VPS41: variants seen among roughly 807,000 people sequenced by gnomAD.
The protein encoded by VPS41 is VPS41 subunit of HOPS complex.
Under a neutral mutation model 130.9 loss-of-function variants are expected in VPS41, and 85 were observed. That is an observed-to-expected ratio of 0.65 (90% CI 0.55 to 0.78). VPS41 has a LOEUF of 0.78. Among genes scored for constraint, VPS41 ranks in the 30% least tolerant of loss-of-function variants. The pLI, the probability that VPS41 is intolerant of heterozygous loss-of-function variation, is 0.00. For missense variants in VPS41, 874 were observed against 1,018.7 expected (o/e 0.86, Z 1.93); for synonymous variants, 335 against 332.9 (o/e 1.01, Z -0.07).
At chr7:38,778,695 T>C (rs1379002300) in intron 10 of VPS41, among the ~76,000 whole-genome samples, 1 of 152,070 alleles carries the variant, frequency 6.6e-6, no homozygotes, top group East Asian at 1.9e-4. Context: ...CTCACAGAAA[T>C]CACAGGCTTT....
At chr7:38,737,679 C>T (rs974437036) in intron 25 of VPS41, among the ~76,000 whole-genome samples, 1 of 152,134 alleles carries the variant, frequency 6.6e-6, no homozygotes. Flanking sequence ...TAAAAGGATA[C>T]AAATATGGGG....
intron 22 of VPS41, among the ~76,000 whole-genome samples, chr7:38,747,962 G>A (rs1796019804): frequency 1.3e-5 from 2 of 152,206 alleles, no homozygotes; most frequent in Non-Finnish European, 2.9e-5. Context: ...GTATCACCAA[G>A]TTCAAAGATA....
At chr7:38,795,634 G>T in intron 8 of VPS41, 23 bp from the exon 9 acceptor site, 1 of 1,603,630 alleles carries the variant, frequency 6.2e-7, no homozygotes, top group Non-Finnish European at 8.5e-7. Context: ...ACAGCAGTAA[G>T]CATCCTCTAC....
intron 3 of VPS41, 42 bp from the exon 4 acceptor site, chr7:38,862,664 C>A: frequency 8.3e-7 from 1 of 1,204,706 alleles, no homozygotes; most frequent in Non-Finnish European, 1.2e-6. Flanking sequence ...ATTAATAATA[C>A]TATTAATACA....
At chr7:38,771,153 A>G in intron 14 of VPS41, 45 bp downstream of exon 14, 1 of 1,352,778 alleles carries the variant, frequency 7.4e-7, no homozygotes, top group South Asian at 1.2e-5. Flanking sequence ...ACTATAACTT[A>G]TTGAAAGATA....
intron 19 of VPS41, 58 bp downstream of exon 19, chr7:38,756,780 T>C: frequency 3.2e-6 from 4 of 1,233,012 alleles, no homozygotes; most frequent in Non-Finnish European, 4.5e-6. Context: ...GATATCTAAG[T>C]ATTAAATATT....
At chr7:38,728,314 T>C (rs1468348) in intron 27 of VPS41, 170,768 of 683,892 alleles carry the variant, frequency 0.25, 26,090 homozygotes, top group South Asian at 0.48. Flanking sequence ...TGGGTTCCAA[T>C]AAGCCTGCCA....
chr7:38,888,193 T>C (rs976714138), intron 2 of VPS41, among the ~76,000 whole-genome samples: 4 of 152,276 alleles, frequency 2.6e-5, no homozygotes, highest in Admixed American at 6.5e-5. Context: ...TAACCTTAAA[T>C]GTAAACGGGC....
At chr7:38,892,680 A>G (rs1425791531) in intron 2 of VPS41, among the ~76,000 whole-genome samples, 2 of 152,222 alleles carry the variant, frequency 1.3e-5, no homozygotes, top group African/African-American at 2.4e-5. Flanking sequence ...AGGCCATATA[A>G]AAGAGGTCAC....
chr7:38,752,359 G>T, intron 21 of VPS41, 46 bp from the exon 22 acceptor site: 1 of 1,609,012 alleles, frequency 6.2e-7, no homozygotes, highest in South Asian at 1.1e-5. Context: ...AATGAGAAAA[G>T]CAATACCTGG....
chr7:38,897,977 T>A (rs1787046112), intron 2 of VPS41, 114 bp downstream of exon 2: 2 of 862,208 alleles, frequency 2.3e-6, no homozygotes, highest in Non-Finnish European at 3.8e-6. Flanking sequence ...TAGTTACCTA[T>A]CGCCCTGCTT....
chr7:38,882,531 C>T (rs1417378893), intron 2 of VPS41, among the ~76,000 whole-genome samples: 1 of 152,224 alleles, frequency 6.6e-6, no homozygotes, highest in African/African-American at 2.4e-5. Context: ...TTGAACTACT[C>T]TTCTTCAGGT....
rs796516716 is a variant in VPS41, at chr7:38,843,681, C to CA, written c.247-13354dup. Among the ~76,000 whole-genome samples, 278 of 80,274 alleles carry CA rather than the reference C, an allele frequency of 3.5e-3. 1 individual carries two copies. The highest frequency in any genetic ancestry group is 0.029 in the Middle Eastern group (3 of 102). 52.7% of individuals were successfully genotyped at this position (80,274 alleles called of 152,430 possible). On this transcript the variant is annotated intron_variant, in intron 4 of 28. Transcript: ENST00000310301. Reference sequence around the variant, plus strand: ...TGGGTGAAAGAGTGAGACTCCGTCTCAAAAAAAAAAACAAAAAAAAAAACT... The same window carrying CA: ...TGGGTGAAAGAGTGAGACTCCGTCTCAAAAAAAAAAAACAAAAAAAAAAACT...
rs116422927 is a variant in VPS41 at position 38,810,289 on chromosome 7, G to C, written c.450+7528C>G. 8.0e-3 allele frequency among the ~76,000 whole-genome samples: 1,219 copies of C among 152,210 alleles called. 18 individuals carry two copies. The highest frequency in any genetic ancestry group is 0.028 in the African/African-American group (1,166 of 41,544). On this transcript the variant is annotated intron_variant, in intron 7 of 28. Transcript: ENST00000310301. ...CTAGTCCTAGTCCCTGGTGGATAAA[G>C]AGCTATCTCTGAACACCTAAGAAGC...
intron 2 of VPS41, among the ~76,000 whole-genome samples, chr7:38,890,286 G>A (rs1786832304): frequency 6.6e-6 from 1 of 152,166 alleles, no homozygotes; most frequent in South Asian, 2.1e-4. Flanking sequence ...CATTTCCAAA[G>A]GTTACGCTCT....
intron 4 of VPS41, 68 bp downstream of exon 4, chr7:38,862,477 C>A: frequency 8.0e-6 from 8 of 997,116 alleles, no homozygotes; most frequent in South Asian, 4.8e-5. Context: ...ACTGGTAAAC[C>A]AATATTCTAA....
chr7:38,821,703 T>A, intron 5 of VPS41, among the ~76,000 whole-genome samples: 1 of 45,884 alleles, frequency 2.2e-5, no homozygotes, highest in African/African-American at 9.2e-5. Context: ...TGAGACTCCG[T>A]CTCAAAAAAA....
Position 38,726,953 on chromosome 7 carries a change from A to C in VPS41, c.2440T>G (p.Cys814Gly). ...CACTCCTTGTGGAACATGTGCCGGC[A>C]ATGGAAGACCACCACGCTGAAGGGC... ...AKPFSVVVFH[C>G]RHMFHKECLP... Residue 814 changes from cysteine to glycine, a missense_variant, in exon 28 of 29, where the codon TGC (cysteine) becomes GGC (glycine). Transcript: ENST00000310301. The C allele has an allele frequency of 6.3e-7, 1 of 1,592,526 alleles. No homozygotes were observed. The highest frequency in any genetic ancestry group is 8.6e-7 in the Non-Finnish European group (1 of 1,169,168).
At chr7:38,745,341 G>C (rs936122116) in intron 23 of VPS41, among the ~76,000 whole-genome samples, 2 of 152,102 alleles carry the variant, frequency 1.3e-5, no homozygotes, top group Non-Finnish European at 2.9e-5. Context: ...TTGATATGTT[G>C]ATTATACATT....
Sources: allele counts gnomAD v4.1 joint callset (sites outside exome capture counted in the v4.1 genomes callset), GRCh38; gene constraint gnomAD v4.1.1; transcripts MANE v1.5; gene names NCBI Gene and HGNC (gene_info 2026-07-23, HGNC 2026-07-21).